The following ICA1L variants were observed in gnomAD, a reference collection of about 807,000 sequenced individuals.
ICA1L encodes islet cell autoantigen 1 like.
A neutral mutation model predicts 61.3 loss-of-function variants in ICA1L; 50 were observed. That is an observed-to-expected ratio of 0.82 (90% CI 0.65 to 1.03). ICA1L has a LOEUF of 1.03. Ranked by LOEUF, ICA1L falls within the 50% of genes least tolerant of loss-of-function variation. The pLI is 0.00. For synonymous variants in ICA1L, 161 were observed against 191.3 expected, an observed-to-expected ratio of 0.84 and a Z score of 1.31; for missense variants, 508 against 556.7, an observed-to-expected ratio of 0.91 and a Z score of 0.88.
chr2:202,826,532 T>G (rs900915020), intron 2 of ICA1L, among the ~76,000 whole-genome samples: 8 of 152,102 alleles, frequency 5.3e-5, no homozygotes, highest in Non-Finnish European at 1.2e-4. Context: ...AGTGCAGTGG[T>G]GCAATCTCGG....
chr2:202,818,291 T>C (rs1317634073), intron 5 of ICA1L, among the ~76,000 whole-genome samples: 3 of 152,170 alleles, frequency 2.0e-5, no homozygotes, highest in Non-Finnish European at 4.4e-5. Flanking sequence ...GAGCAGGCTA[T>C]GCTAAGACCC....
At chr2:202,786,567 A>T (rs1397952978) in intron 11 of ICA1L, 2 of 246,618 alleles carry the variant, frequency 8.1e-6, no homozygotes, top group Non-Finnish European at 1.6e-5. Flanking sequence ...AAAAAAAAAT[A>T]ATAATAATAA....
Position 202,819,701 on chromosome 2 carries a change from T to C in ICA1L, c.558A>G (p.Lys186=). The change falls in exon 5 of 13, where the codon AAA becomes AAG. Residue 186 remains lysine (K), a splice_region_variant and synonymous_variant. Coordinates refer to ENST00000358299, the MANE Select transcript of ICA1L (RefSeq NM_001288622.3). ...AAAGGAAAGGGATACGTTTTCATAC[T>C]TTTCTAAACTTTTCCATTTGCTTTA... is the stretch of plus-strand genomic sequence containing the variant. The part of the protein sequence containing the change: ...DTLKQMEKFR[K]VQMQVRNSKA... 1 of 1,610,758 alleles carries C rather than the reference T, an allele frequency of 6.2e-7. No homozygotes were observed. Among genetic ancestry groups the C allele is most frequent in the Non-Finnish European group, 8.5e-7 (1 of 1,176,932 alleles).
chr2:202,816,774 A>G (rs940493114), intron 6 of ICA1L, among the ~76,000 whole-genome samples: 1 of 152,122 alleles, frequency 6.6e-6, no homozygotes, highest in East Asian at 1.9e-4. Flanking sequence ...AGTTTATTCA[A>G]TTTTTTCCAT....
intron 10 of ICA1L, among the ~76,000 whole-genome samples, chr2:202,794,230 C>T (rs754804748): frequency 6.6e-6 from 1 of 151,304 alleles, no homozygotes; most frequent in Non-Finnish European, 1.5e-5. Flanking sequence ...CCTGTAATCC[C>T]AGCTACTTGG....
chr2:202,827,826 CAAT>C (rs1212094980), intron 2 of ICA1L, among the ~76,000 whole-genome samples: 1 of 152,128 alleles, frequency 6.6e-6, no homozygotes, highest in Non-Finnish European at 1.5e-5. Context: ...TTTGTTTTGG[CAAT>C]GAGGTAAGTT....
At chr2:202,803,400 CAAAA>C (rs71030990) in intron 9 of ICA1L, among the ~76,000 whole-genome samples, 16 of 60,640 alleles carry the variant, frequency 2.6e-4, no homozygotes, top group African/African-American at 9.7e-4. Context: ...GACTCGATCT[CAAAA>C]AAAAAAAAAA....
chr2:202,776,692 T>C lies in ICA1L; in HGVS notation c.*2841A>G, dbSNP rs1162152262. 6.6e-6 allele frequency: 1 copy of C among 152,226 alleles called. No homozygotes were observed. The highest frequency in any genetic ancestry group is 1.5e-5 in the Non-Finnish European group (1 of 68,032). The allele number at this position is 152,226 out of a possible 1,614,324, so 9.4% of individuals were successfully genotyped here. The stretch of plus-strand genomic sequence containing the variant: ...TTACTGATATGCTCTTCAAAAACAG[T>C]GGTTGGACTTGTTGGAAGTTAGAAC... On this transcript the variant is annotated 3_prime_UTR_variant, in exon 13 of 13. Coordinates refer to ENST00000358299, the MANE Select transcript of ICA1L (RefSeq NM_001288622.3).
intron 1 of ICA1L, among the ~76,000 whole-genome samples, chr2:202,841,964 C>T (rs1205441593): frequency 6.6e-6 from 1 of 151,918 alleles, no homozygotes; most frequent in Non-Finnish European, 1.5e-5. Flanking sequence ...GATTCTCCTG[C>T]CTTAGTCTCC....
chr2:202,790,940 GT>G, intron 10 of ICA1L, among the ~76,000 whole-genome samples: 1 of 152,308 alleles, frequency 6.6e-6, no homozygotes, highest in South Asian at 2.1e-4. Flanking sequence ...AAAACTGATG[GT>G]TCCTAATCCC....
At chr2:202,799,575 A>G (rs144101359) in intron 9 of ICA1L, among the ~76,000 whole-genome samples, 77 of 152,302 alleles carry the variant, frequency 5.1e-4, no homozygotes, top group African/African-American at 1.8e-3. Context: ...TTGTAGCTAC[A>G]CTGTTGATAA....
intron 1 of ICA1L, among the ~76,000 whole-genome samples, chr2:202,848,275 T>C (rs1020406579): frequency 5.3e-5 from 8 of 152,210 alleles, no homozygotes; most frequent in Admixed American, 4.6e-4. Flanking sequence ...ACAGCATATT[T>C]TTAAACTTTT....
intron 5 of ICA1L, among the ~76,000 whole-genome samples, chr2:202,819,054 A>G (rs182616906): frequency 1.3e-5 from 2 of 152,232 alleles, no homozygotes; most frequent in African/African-American, 4.8e-5. Flanking sequence ...CACCTACTTC[A>G]TAGGGCTGTT....
chr2:202,782,599 G>C (rs1355003610), intron 12 of ICA1L, among the ~76,000 whole-genome samples: 1 of 151,950 alleles, frequency 6.6e-6, no homozygotes, highest in Non-Finnish European at 1.5e-5. Flanking sequence ...AGTAGAGACG[G>C]GGTTTCACCA....
At chr2:202,779,815 T>G (rs552911709) in intron 12 of ICA1L, among the ~76,000 whole-genome samples, 167 bp from the exon 13 acceptor site, 20 of 149,420 alleles carry the variant, frequency 1.3e-4, no homozygotes, top group East Asian at 3.9e-4. Flanking sequence ...TTTTTTTTTT[T>G]TTGTTTTCGG....
rs562823337 is a variant in ICA1L at position 202,828,829 on chromosome 2, A to C, written c.162+19T>G. On this transcript the variant is annotated intron_variant, in intron 2 of 12. Transcript: ENST00000358299. ...AATAATGGCTGGTTATATGCAATAC[A>C]TAGAATCCTCAAATTTACCTCAAGT... is the stretch of plus-strand genomic sequence containing the variant. 9.3e-6 allele frequency: 15 copies of C among 1,608,880 alleles called. No homozygotes were observed. In the Admixed American group the frequency reaches 2.2e-4, roughly 23 times the overall value.
At chr2:202,817,339 C>A in intron 6 of ICA1L, 79 bp downstream of exon 6, 1 of 1,289,882 alleles carries the variant, frequency 7.8e-7, no homozygotes, top group South Asian at 1.8e-5. Context: ...TAAATTTTTA[C>A]ACCCTTTAGA....
intron 11 of ICA1L, among the ~76,000 whole-genome samples, chr2:202,787,782 A>T (rs1394728013): frequency 6.6e-6 from 1 of 152,222 alleles, no homozygotes; most frequent in Non-Finnish European, 1.5e-5. Context: ...GAGAGACTGG[A>T]ATATAAAGCA....
intron 1 of ICA1L, among the ~76,000 whole-genome samples, chr2:202,855,026 A>C (rs1694732520): frequency 6.6e-6 from 1 of 152,200 alleles, no homozygotes; most frequent in Non-Finnish European, 1.5e-5. Flanking sequence ...ATGGAAACTA[A>C]ACAATCTGCT....
Sources: gnomAD v4.1 joint callset for allele counts (sites outside exome capture counted in the v4.1 genomes callset) on GRCh38, gnomAD v4.1.1 for gene constraint, MANE v1.5 for transcripts, NCBI Gene and HGNC (gene_info 2026-07-23, HGNC 2026-07-21) for gene names.